Variants in SOBP observed in about 807,000 individuals in gnomAD.
The protein encoded by SOBP is sine oculis binding protein homolog.
In SOBP, 4 loss-of-function variants were observed where a neutral mutation model predicts 53.6. The observed-to-expected ratio is 0.07, with a 90% CI of 0.04 to 0.17. The LOEUF (loss-of-function observed/expected upper bound fraction) is 0.17, where lower values mean the gene tolerates loss of function less well. SOBP is among the 10% of genes least tolerant of loss of function. SOBP has a pLI of 1.00. For synonymous variants in SOBP, 584 were observed against 522.6 expected, an observed-to-expected ratio of 1.12 and a Z score of -1.60; for missense variants, 1,088 against 1,204.7, an observed-to-expected ratio of 0.90 and a Z score of 1.43.
intron 5 of SOBP, among the ~76,000 whole-genome samples, chr6:107,620,513 G>T (rs1583280708): frequency 6.6e-6 from 1 of 152,190 alleles, no homozygotes; most frequent in East Asian, 1.9e-4. Flanking sequence ...GGCAGCTACA[G>T]CCAATGAGAC....
intron 5 of SOBP, among the ~76,000 whole-genome samples, chr6:107,596,305 G>T (rs1219142313): frequency 2.6e-5 from 4 of 152,072 alleles, no homozygotes; most frequent in Non-Finnish European, 5.9e-5. Context: ...TAAAATAAAG[G>T]CATTGTAACA....
chr6:107,634,194 C>A lies in SOBP; in HGVS notation c.1350C>A (p.Pro450=). ...GPRNLGPTSS[P]MHRPMLSPHI... is the part of the protein sequence containing the mutation. ...GAAACCTGGGCCCCACTTCCAGCCC[C>A]ATGCACCGGCCCATGCTATCGCCCC... The change falls in exon 6 of 7, where the codon CCC becomes CCA. Residue 450 remains proline, a synonymous_variant. Transcript: ENST00000317357. This position sits in a 1 kb window ranked among gnomAD's most constrained non-coding sequence, Gnocchi z 4.5. 1 of 1,606,040 alleles carries A rather than the reference C, an allele frequency of 6.2e-7. No homozygotes were observed. Among genetic ancestry groups the A allele is most frequent in the Non-Finnish European group, 8.5e-7 (1 of 1,178,262 alleles).
intron 4 of SOBP, among the ~76,000 whole-genome samples, chr6:107,562,873 A>G (rs1784811963): frequency 6.6e-6 from 1 of 152,268 alleles, no homozygotes; most frequent in African/African-American, 2.4e-5. Context: ...GAAAAAAAGA[A>G]GGGATAGATG....
intron 5 of SOBP, among the ~76,000 whole-genome samples, chr6:107,592,891 G>A (rs1046066457): frequency 7.2e-5 from 11 of 152,142 alleles, no homozygotes; most frequent in African/African-American, 2.7e-4. Flanking sequence ...AGAAATAAAA[G>A]TCACAATCTT....
At chr6:107,518,588 A>G (rs1229812719) in intron 3 of SOBP, among the ~76,000 whole-genome samples, 3 of 152,230 alleles carry the variant, frequency 2.0e-5, no homozygotes, top group African/African-American at 7.2e-5. Context: ...TCATAGCAGC[A>G]TTTATTCATA....
intron 4 of SOBP, among the ~76,000 whole-genome samples, chr6:107,542,056 G>T (rs184336930): frequency 6.6e-6 from 1 of 152,028 alleles, no homozygotes; most frequent in African/African-American, 2.4e-5. Flanking sequence ...AAAAGTCCCT[G>T]TCTTAAAGGG....
chr6:107,542,243 G>T (rs1348015140), intron 4 of SOBP, among the ~76,000 whole-genome samples: 1 of 152,170 alleles, frequency 6.6e-6, no homozygotes, highest in Non-Finnish European at 1.5e-5. Context: ...GGTGACGTGT[G>T]CTGGGGACAG....
At position 107,656,286 on chromosome 6, in the gene SOBP, GAAAA is replaced by G. The variant is rs1370365080; in HGVS notation, c.*4-1920_*4-1917del. On this transcript the variant is annotated intron_variant, in intron 6 of 6. Transcript: ENST00000317357. ...TTGTCACTTATTCTTGAGAAAGAAA[GAAAA>G]GAAAGAAAGAAAGAAAGAAAGAAAG... 7.0e-3 allele frequency among the ~76,000 whole-genome samples: 888 copies of G among 127,670 alleles called. 8 individuals are homozygous for G. The highest frequency in any genetic ancestry group is 0.038 in the East Asian group (154 of 4,052). 83.8% of individuals were successfully genotyped at this position (127,670 alleles called of 152,430 possible). A position where few individuals can be genotyped will look rare whatever the true frequency, so the allele number is the denominator to read the frequency against.
intron 4 of SOBP, among the ~76,000 whole-genome samples, chr6:107,573,566 G>A (rs1200416451): frequency 6.6e-6 from 1 of 152,162 alleles, no homozygotes; most frequent in Non-Finnish European, 1.5e-5. Flanking sequence ...TCCATCAGTG[G>A]TGGCACCAGG....
At chr6:107,563,137 G>T (rs1784818587) in intron 4 of SOBP, among the ~76,000 whole-genome samples, 1 of 151,904 alleles carries the variant, frequency 6.6e-6, no homozygotes, top group Admixed American at 6.6e-5. Context: ...AATGCCTGTA[G>T]TCCCAGCTAC....
chr6:107,561,869 G>T (rs185146345), intron 4 of SOBP, among the ~76,000 whole-genome samples: 1 of 152,050 alleles, frequency 6.6e-6, no homozygotes, highest in Non-Finnish European at 1.5e-5. Flanking sequence ...GAGTAAGAAC[G>T]ACAGAAAGAA....
At chr6:107,506,948 C>G (rs1783012370) in intron 3 of SOBP, among the ~76,000 whole-genome samples, 1 of 151,892 alleles carries the variant, frequency 6.6e-6, no homozygotes, top group African/African-American at 2.4e-5. Context: ...AGCTAGTAAT[C>G]CCACCTACTC....
intron 4 of SOBP, among the ~76,000 whole-genome samples, chr6:107,549,199 G>A (rs1346401336): frequency 1.3e-5 from 2 of 151,898 alleles, no homozygotes; most frequent in Admixed American, 6.6e-5. Context: ...CCCGGGAGGC[G>A]GAGCTTGCAG....
intron 5 of SOBP, among the ~76,000 whole-genome samples, chr6:107,623,507 A>G (rs903402351): frequency 2.0e-5 from 3 of 152,160 alleles, no homozygotes; most frequent in African/African-American, 7.2e-5. Context: ...AAGGGTACCA[A>G]TCCCAAGTCA....
chr6:107,643,658 A>T (rs1294092680), intron 6 of SOBP, among the ~76,000 whole-genome samples: 4 of 152,018 alleles, frequency 2.6e-5, no homozygotes, highest in African/African-American at 4.8e-5. Flanking sequence ...TGACCTCATC[A>T]TCCACCTGTC....
In SOBP at chr6:107,562,020, C is replaced by T. The variant is rs1489749239; in HGVS notation, c.574-25060C>T. ...TCATCACACACTTGCTTCTTAGTGG[C>T]TCCCTGGTTCTTTTTTTTTTTTTTT... On this transcript the variant is annotated intron_variant, in intron 4 of 6. Transcript: ENST00000317357. 2.0e-5 allele frequency among the ~76,000 whole-genome samples: 3 copies of T among 150,284 alleles called. No individual in the cohort carries two copies. The South Asian group carries it at 6.3e-4, about 31-fold the overall frequency.
rs533498474 is a variant in SOBP, at chr6:107,552,142, A to G, written c.573+18532A>G. On this transcript the variant is annotated intron_variant, in intron 4 of 6. Coordinates refer to ENST00000317357, the MANE Select transcript of SOBP (RefSeq NM_018013.4). ...TATCATGGTAGGTTGGGGGCCTTCA[A>G]TTTCTCACCGTTGGATGGATTCTCT... Among the ~76,000 whole-genome samples the G allele has an allele frequency of 9.2e-5, 14 of 152,292 alleles. No homozygotes were observed. In the South Asian group the frequency reaches 2.3e-3, roughly 25 times the overall value.
chr6:107,520,659 T>A (rs935722606), intron 3 of SOBP, among the ~76,000 whole-genome samples: 4 of 152,244 alleles, frequency 2.6e-5, no homozygotes, highest in Non-Finnish European at 4.4e-5. Context: ...CAGCTGTGCC[T>A]TTCCTTTCTT....
At chr6:107,563,084 T>C (rs1350135201) in intron 4 of SOBP, among the ~76,000 whole-genome samples, 2 of 151,876 alleles carry the variant, frequency 1.3e-5, no homozygotes, top group African/African-American at 4.8e-5. Context: ...ACTGAGACCC[T>C]GTCTCTACAA....
Sources: allele counts gnomAD v4.1 joint callset (sites outside exome capture counted in the v4.1 genomes callset), GRCh38; gene constraint gnomAD v4.1.1; non-coding constraint Gnocchi (gnomAD v3.1); transcripts MANE v1.5; gene names NCBI Gene and HGNC (gene_info 2026-07-23, HGNC 2026-07-21).